Variants in COL4A2 observed in about 807,000 individuals in gnomAD.
COL4A2 encodes the protein collagen alpha-2(IV) chain.
Under a neutral mutation model 200.2 loss-of-function variants are expected in COL4A2, and 99 were observed. The ratio of observed to expected loss-of-function variants is 0.49; its 90% CI spans 0.42 to 0.58. COL4A2 has a LOEUF of 0.58. Ranked by LOEUF, COL4A2 falls within the 20% of genes least tolerant of loss-of-function variation. COL4A2 has a pLI of 0.00. For synonymous variants in COL4A2, 897 were observed against 900.6 expected (o/e 1.00, Z 0.07); for missense variants, 1,950 against 2,314.1 (o/e 0.84, Z 3.23).
In COL4A2 at chr13:110,307,840, G is replaced by A. The variant is rs1172072665; in HGVS notation, c.-44-20G>A. The A allele has an allele frequency of 6.4e-7, 1 of 1,554,590 alleles. No homozygotes were observed. The highest frequency in any genetic ancestry group is 8.7e-7 in the Non-Finnish European group (1 of 1,146,944). On this transcript the variant is annotated intron_variant, in intron 1 of 47. Transcript: ENST00000360467. The surrounding 1 kb of genome is among the most constrained non-coding windows in gnomAD (Gnocchi z 5.0). ...GCCTCCCTCATCCTGCGCTAAACTC[G>A]CTTTGTCTGTCGCCTCTAGGCTAAG...
chr13:110,371,979 C>T (rs116313817), intron 4 of COL4A2, among the ~76,000 whole-genome samples: 92 of 152,212 alleles, frequency 6.0e-4, no homozygotes, highest in African/African-American at 2.1e-3. Context: ...TGGACAAGGC[C>T]GGAACCACAT....
At chr13:110,371,000 GATTAAAAAGA>G (rs1369188877) in intron 4 of COL4A2, among the ~76,000 whole-genome samples, 1 of 152,174 alleles carries the variant, frequency 6.6e-6, no homozygotes, top group Non-Finnish European at 1.5e-5. Flanking sequence ...AATTCCAGAA[GATTAAAAAGA>G]CTTCTTTAGT....
chr13:110,365,840 CCTTT>C (rs1247946300), intron 4 of COL4A2, among the ~76,000 whole-genome samples: 1 of 152,144 alleles, frequency 6.6e-6, no homozygotes, highest in African/African-American at 2.4e-5. Context: ...GAAGCTAGGG[CCTTT>C]CTTAGGATGG....
intron 3 of COL4A2, among the ~76,000 whole-genome samples, chr13:110,331,453 C>T (rs551698553): frequency 1.7e-4 from 26 of 152,338 alleles, no homozygotes; most frequent in Middle Eastern, 3.4e-3. Flanking sequence ...AGCAGCCGGC[C>T]GTGGCTGCCT....
At chr13:110,376,565 A>G (rs1481278924) in intron 4 of COL4A2, among the ~76,000 whole-genome samples, 1 of 152,206 alleles carries the variant, frequency 6.6e-6, no homozygotes, top group Non-Finnish European at 1.5e-5. Flanking sequence ...TTTTATAAAA[A>G]TCATCGTTTT....
intron 4 of COL4A2, among the ~76,000 whole-genome samples, chr13:110,377,074 G>C (rs1214327497): frequency 6.7e-6 from 1 of 149,700 alleles, no homozygotes; most frequent in Non-Finnish European, 1.5e-5. Flanking sequence ...ACTATGTTCA[G>C]TTATTGATTA....
At chr13:110,473,240 G>C in intron 29 of COL4A2, 90 bp downstream of exon 29, 1 of 1,252,454 alleles carries the variant, frequency 8.0e-7, no homozygotes, top group African/African-American at 1.5e-5. Context: ...GGATTTGGTA[G>C]GAAGCAGCGG....
At chr13:110,419,553 T>C (rs994118923) in intron 4 of COL4A2, among the ~76,000 whole-genome samples, 1 of 152,228 alleles carries the variant, frequency 6.6e-6, no homozygotes, top group Non-Finnish European at 1.5e-5. Context: ...GATCATCTTT[T>C]GCCTCTTTTC....
At chr13:110,471,708 G>C (rs561620267) in intron 28 of COL4A2, among the ~76,000 whole-genome samples, 1 of 152,346 alleles carries the variant, frequency 6.6e-6, no homozygotes, top group Non-Finnish European at 1.5e-5. Flanking sequence ...CTCCCAGGCA[G>C]TGATGGCTTT....
intron 4 of COL4A2, among the ~76,000 whole-genome samples, chr13:110,385,595 TACA>T (rs1878683004): frequency 6.7e-6 from 1 of 148,344 alleles, no homozygotes; most frequent in Non-Finnish European, 1.5e-5. Context: ...AGGCCGTGGT[TACA>T]GTGTGTGGAT....
At position 110,471,008 on chromosome 13, in the gene COL4A2, T is replaced by A. The variant is rs182501047; in HGVS notation, c.2203+1684T>A. 2.5e-3 allele frequency among the ~76,000 whole-genome samples: 382 copies of A among 152,324 alleles called. 5 individuals are homozygous for A. Among genetic ancestry groups the A allele is most frequent in the African/African-American group, 8.8e-3 (367 of 41,562 alleles). ...ATGAAGCAAAGGAAGTCTCCATGCC[T>A]CTGCCCCAGGGGTTGGTCTCTGTGG... On this transcript the variant is annotated intron_variant, in intron 28 of 47. Coordinates refer to ENST00000360467, the MANE Select transcript of COL4A2 (RefSeq NM_001846.4).
intron 20 of COL4A2, among the ~76,000 whole-genome samples, chr13:110,455,314 G>A (rs1881685134): frequency 6.6e-6 from 1 of 152,060 alleles, no homozygotes; most frequent in Non-Finnish European, 1.5e-5. Context: ...GCCTATTTCA[G>A]GGCCTTTTAG....
chr13:110,362,137 A>G (rs1877544844), intron 4 of COL4A2, among the ~76,000 whole-genome samples: 1 of 152,224 alleles, frequency 6.6e-6, no homozygotes, highest in Admixed American at 6.5e-5. Context: ...CTCGTTATGC[A>G]AGAGTTATGG....
At chr13:110,478,671 C>T (rs1882784860) in intron 30 of COL4A2, among the ~76,000 whole-genome samples, 2 of 152,244 alleles carry the variant, frequency 1.3e-5, no homozygotes, top group South Asian at 2.1e-4. Flanking sequence ...CTGCCCAGGC[C>T]GCTCTCCCAC....
chr13:110,422,467 A>G lies in COL4A2; in HGVS notation c.181-2267A>G, dbSNP rs969785130. ...AGCTTCTATTGTAGAATGTTCTCCA[A>G]AGACACTAAAGTGCACAAGCTTCAC... is the stretch of plus-strand genomic sequence containing the variant. On this transcript the variant is annotated intron_variant, in intron 4 of 47. Transcript: ENST00000360467. Among the ~76,000 whole-genome samples, 4 of 152,232 alleles carry G rather than the reference A, an allele frequency of 2.6e-5. No individual in the cohort carries two copies. The East Asian group carries it at 5.8e-4, about 22-fold the overall frequency.
intron 4 of COL4A2, among the ~76,000 whole-genome samples, chr13:110,369,730 GCACTAACTCA>G: frequency 6.6e-6 from 1 of 151,914 alleles, no homozygotes; most frequent in Admixed American, 6.6e-5. Context: ...TTACAAATAC[GCACTAACTCA>G]GATACCTCAA....
At chr13:110,498,060 T>C (rs1883522462) in intron 40 of COL4A2, among the ~76,000 whole-genome samples, 1 of 152,184 alleles carries the variant, frequency 6.6e-6, no homozygotes, top group African/African-American at 2.4e-5. Context: ...AGCAGTAGAG[T>C]TGACCATGCC....
At chr13:110,499,676 G>A (rs957763617) in intron 40 of COL4A2, among the ~76,000 whole-genome samples, 3 of 152,202 alleles carry the variant, frequency 2.0e-5, no homozygotes, top group Admixed American at 1.3e-4. Context: ...CCCTGTTAGT[G>A]AGACTCTTTT....
At chr13:110,397,974 T>C (rs7983374) in intron 4 of COL4A2, among the ~76,000 whole-genome samples, 31,259 of 152,188 alleles carry the variant, frequency 0.21, 3,313 homozygotes, top group Middle Eastern at 0.26. Context: ...AAGTCATCTC[T>C]GCTGGGAAAA....
Sources: gnomAD v4.1 joint callset for allele counts (sites outside exome capture counted in the v4.1 genomes callset) on GRCh38, gnomAD v4.1.1 for gene constraint, Gnocchi (gnomAD v3.1) non-coding constraint, MANE v1.5 for transcripts, NCBI Gene and HGNC (gene_info 2026-07-23, HGNC 2026-07-21) for gene names.